Variants in ABCA9 observed in about 807,000 individuals in gnomAD.
ABCA9 encodes the protein ATP binding cassette subfamily A member 9, also known as ATP-binding cassette sub-family A member 9.
ABCA9 carries 183 observed loss-of-function variants against 205.3 expected under a neutral mutation model. That is an observed-to-expected ratio of 0.89 (90% CI 0.79 to 1.01). The LOEUF (loss-of-function observed/expected upper bound fraction) is 1.01, where lower values mean the gene tolerates loss of function less well. ABCA9 is among the 50% of genes least tolerant of loss of function. ABCA9 has a pLI of 0.00. For missense variants in ABCA9, 1,805 were observed against 1,912.4 expected (o/e 0.94, Z 1.05); for synonymous variants, 651 against 683.3 (o/e 0.95, Z 0.74).
chr17:69,046,275 C>T (rs1407669571), intron 3 of ABCA9, among the ~76,000 whole-genome samples: 5 of 152,066 alleles, frequency 3.3e-5, no homozygotes, highest in African/African-American at 1.2e-4. Flanking sequence ...CTGATCTAAC[C>T]CAGGCCATTT....
At chr17:68,986,510 C>T (rs2069245280) in intron 31 of ABCA9, 186 bp from the exon 32 acceptor site, 1 of 508,562 alleles carries the variant, frequency 2.0e-6, no homozygotes, top group African/African-American at 2.0e-5. Flanking sequence ...GCAGACATTC[C>T]ATGGTTATCC....
At position 68,989,791 on chromosome 17, in the gene ABCA9, T is replaced by A. The variant is rs377301521; in HGVS notation, c.3955+22A>T. ...GTCTTCAGATTCAAGATTGCTCTAC[T>A]AATGGAACTACTGTTTCCAACCTTT... On this transcript the variant is annotated intron_variant, in intron 30 of 38. Coordinates refer to ENST00000340001, the MANE Select transcript of ABCA9 (RefSeq NM_080283.4). 7 of 1,342,242 alleles carry A rather than the reference T, an allele frequency of 5.2e-6. No individual in the cohort carries two copies. The African/African-American group carries it at 1.0e-4, about 19-fold the overall frequency. The allele number at this position is 1,342,242 out of a possible 1,614,324, so 83.1% of individuals were successfully genotyped here.
the ABCA9 span, among the ~76,000 whole-genome samples, chr17:69,073,705 C>T: frequency 1.3e-5 from 2 of 152,048 alleles, no homozygotes; most frequent in Non-Finnish European, 2.9e-5. Context: ...GAAGCAAGAG[C>T]AAACAAATTC....
chr17:69,036,889 AAAAAAAAAAGC>A (rs1474561012), intron 6 of ABCA9, among the ~76,000 whole-genome samples: 2 of 144,068 alleles, frequency 1.4e-5, no homozygotes, highest in African/African-American at 5.2e-5. Context: ...AAAAAAAAAA[AAAAAAAAAAGC>A]AGAGGTTGCA....
Position 68,984,036 on chromosome 17 carries a change from C to T in ABCA9, c.4499+20G>A, listed in dbSNP as rs781150014. ...AGCACACAACCTAGGGGCTGAGCGC[C>T]GGCTTGGACAGGCACTCACCTCAGC... On this transcript the variant is annotated intron_variant, in intron 35 of 38. Coordinates refer to ENST00000340001, the MANE Select transcript of ABCA9 (RefSeq NM_080283.4). 88 of 1,613,656 alleles carry T rather than the reference C, an allele frequency of 5.5e-5. No homozygotes were observed. The highest frequency in any genetic ancestry group is 2.7e-4 in the East Asian group (12 of 44,892).
chr17:69,016,144 A>ACACAC, intron 22 of ABCA9, 109 bp downstream of exon 22: 1 of 622,290 alleles, frequency 1.6e-6, no homozygotes, highest in African/African-American at 2.0e-5. Flanking sequence ...ACACACACAC[A>ACACAC]AGTTTAAGAA....
At chr17:69,060,290 T>C (rs2072201473) in intron 1 of ABCA9, among the ~76,000 whole-genome samples, 1 of 152,186 alleles carries the variant, frequency 6.6e-6, no homozygotes, top group Non-Finnish European at 1.5e-5. Flanking sequence ...AAGCCAATCA[T>C]TTCCCAGTCA....
intron 6 of ABCA9, among the ~76,000 whole-genome samples, chr17:69,038,604 C>T (rs2144413217): frequency 6.6e-6 from 1 of 152,232 alleles, no homozygotes; most frequent in East Asian, 1.9e-4. Flanking sequence ...AACCCGTAGC[C>T]AATATCATAC....
upstream of ABCA9, among the ~76,000 whole-genome samples, chr17:69,064,850 G>A (rs1454944323): frequency 1.3e-5 from 2 of 151,900 alleles, no homozygotes; most frequent in African/African-American, 4.8e-5. Context: ...ATACTTTTTG[G>A]CCATTTGTAA....
chr17:69,017,513 T>G (rs1218411655), intron 21 of ABCA9, 143 bp downstream of exon 21: 32 of 859,562 alleles, frequency 3.7e-5, no homozygotes, highest in Non-Finnish European at 4.4e-5. Flanking sequence ...GGGAAATAAT[T>G]GTAGTCCAGC....
chr17:69,005,413 A>G (rs1365536059), intron 25 of ABCA9, among the ~76,000 whole-genome samples: 1 of 152,140 alleles, frequency 6.6e-6, no homozygotes, highest in East Asian at 1.9e-4. Flanking sequence ...TAAAATAGCA[A>G]ACCTCAGCAT....
chr17:69,064,255 C>T (rs1169446030), upstream of ABCA9, among the ~76,000 whole-genome samples: 1 of 152,046 alleles, frequency 6.6e-6, no homozygotes, highest in Non-Finnish European at 1.5e-5. Flanking sequence ...TTCAGGTTCC[C>T]CTTTTCCTTT....
intron 8 of ABCA9, 37 bp downstream of exon 8, chr17:69,035,209 G>A (rs1372196784): frequency 8.4e-6 from 12 of 1,431,916 alleles, no homozygotes; most frequent in South Asian, 1.7e-5. Context: ...TGTGTAGAAC[G>A]GTTTGTAAAA....
intron 3 of ABCA9, among the ~76,000 whole-genome samples, chr17:69,046,591 A>G (rs1490737536): frequency 6.6e-6 from 1 of 151,872 alleles, no homozygotes; most frequent in Non-Finnish European, 1.5e-5. Flanking sequence ...TTATAAAATA[A>G]TATTTTCTAT....
intron 6 of ABCA9, among the ~76,000 whole-genome samples, chr17:69,037,002 CAAG>C (rs1347827269): frequency 1.4e-5 from 2 of 147,220 alleles, no homozygotes; most frequent in African/African-American, 2.5e-5. Context: ...ATCAATGCAA[CAAG>C]AAGAGATAAG....
At chr17:69,049,195 C>T in intron 3 of ABCA9, 88 bp downstream of exon 3, 1 of 1,330,290 alleles carries the variant, frequency 7.5e-7, no homozygotes, top group Non-Finnish European at 1.0e-6. Flanking sequence ...GAAACTTGAA[C>T]ATTCAACATA....
chr17:68,985,208 G>C, intron 32 of ABCA9, 80 bp from the exon 33 acceptor site: 2 of 1,577,756 alleles, frequency 1.3e-6, no homozygotes, highest in South Asian at 1.1e-5. Flanking sequence ...GGAGAAACAC[G>C]ACGGTGGGGG....
At chr17:69,053,895 A>G (rs894972707) in intron 1 of ABCA9, among the ~76,000 whole-genome samples, 1 of 152,188 alleles carries the variant, frequency 6.6e-6, no homozygotes, top group Non-Finnish European at 1.5e-5. Flanking sequence ...TTTTCAAACT[A>G]CAGAAAATCA....
intron 22 of ABCA9, among the ~76,000 whole-genome samples, chr17:69,014,874 C>A (rs1166684388): frequency 1.3e-5 from 2 of 152,112 alleles, no homozygotes; most frequent in African/African-American, 4.8e-5. Context: ...CCTGCAGCAG[C>A]CTAAAGAGAC....
Sources: allele counts gnomAD v4.1 joint callset (sites outside exome capture counted in the v4.1 genomes callset), GRCh38; gene constraint gnomAD v4.1.1; transcripts MANE v1.5; gene names NCBI Gene and HGNC (gene_info 2026-07-23, HGNC 2026-07-21).